The following QRICH1 variants were observed in gnomAD, a reference collection of about 807,000 sequenced individuals.
QRICH1 encodes glutamine rich 1.
Under a neutral mutation model 87.1 loss-of-function variants are expected in QRICH1, and 16 were observed. That is an observed-to-expected ratio of 0.18 (90% CI 0.12 to 0.28). QRICH1 has a LOEUF of 0.28. QRICH1 is among the 10% of genes least tolerant of loss of function. The pLI, the probability that QRICH1 is intolerant of heterozygous loss-of-function variation, is 1.00. For missense variants in QRICH1, 647 were observed against 951.7 expected, an observed-to-expected ratio of 0.68 and a Z score of 4.21; for synonymous variants, 367 against 368.4, an observed-to-expected ratio of 1.00 and a Z score of 0.05.
chr3:49,087,478 A>T (rs1207044942), intron 1 of QRICH1, among the ~76,000 whole-genome samples: 1 of 139,100 alleles, frequency 7.2e-6, no homozygotes, highest in Non-Finnish European at 1.6e-5. Context: ...CCGGGAGGCG[A>T]AGGTTGCAGT....
At chr3:49,041,667 G>A (rs2093310799) in intron 6 of QRICH1, among the ~76,000 whole-genome samples, 1 of 151,398 alleles carries the variant, frequency 6.6e-6, no homozygotes, top group African/African-American at 2.4e-5. Context: ...GTCTCACTCT[G>A]TCACTCAGGC....
intron 6 of QRICH1, among the ~76,000 whole-genome samples, chr3:49,042,884 T>C (rs530070706): frequency 6.6e-6 from 1 of 152,220 alleles, no homozygotes; most frequent in East Asian, 1.9e-4. Context: ...AGAAGAGGTA[T>C]TTTTTAGGGC....
chr3:49,056,735 A>C, intron 3 of QRICH1, 127 bp downstream of exon 3: 3 of 1,456,434 alleles, frequency 2.1e-6, no homozygotes, highest in Non-Finnish European at 2.8e-6. Flanking sequence ...TCTTCTCCCA[A>C]ATACTAAATA....
At chr3:49,056,036 C>T (rs944375235) in intron 3 of QRICH1, among the ~76,000 whole-genome samples, 10 of 151,960 alleles carry the variant, frequency 6.6e-5, no homozygotes, top group Non-Finnish European at 2.9e-5. Flanking sequence ...AATGCAATGG[C>T]GCAATCTCAG....
intron 2 of QRICH1, among the ~76,000 whole-genome samples, chr3:49,062,053 G>A (rs1232994900): frequency 6.6e-6 from 1 of 151,952 alleles, no homozygotes; most frequent in Non-Finnish European, 1.5e-5. Context: ...AATTGGTGTA[G>A]TTGGCCAGAT....
chr3:49,033,520 A>G, intron 6 of QRICH1: 3 of 265,148 alleles, frequency 1.1e-5, no homozygotes, highest in Non-Finnish European at 2.1e-5. Flanking sequence ...GGGCAAAAAG[A>G]CTGCCCTCAG....
intron 1 of QRICH1, among the ~76,000 whole-genome samples, chr3:49,078,514 C>G (rs1168799079): frequency 1.4e-5 from 2 of 147,172 alleles, no homozygotes; most frequent in Non-Finnish European, 3.0e-5. Flanking sequence ...CCTGCCTCAG[C>G]CTCCCGAGTA....
At chr3:49,078,386 CTTTTTTT>C (rs60933196) in intron 1 of QRICH1, among the ~76,000 whole-genome samples, 10 of 69,826 alleles carry the variant, frequency 1.4e-4, no homozygotes, top group Admixed American at 4.7e-4. Context: ...ATTATGGTTC[CTTTTTTT>C]TTTTTTTTTT....
At chr3:49,088,571 A>G (rs997155977) in intron 1 of QRICH1, among the ~76,000 whole-genome samples, 1 of 149,020 alleles carries the variant, frequency 6.7e-6, no homozygotes, top group African/African-American at 2.5e-5. Context: ...TCGACCTCCC[A>G]AAGTGCTGGG....
At chr3:49,060,639 A>AT (rs1438688749) in intron 2 of QRICH1, among the ~76,000 whole-genome samples, 1 of 152,098 alleles carries the variant, frequency 6.6e-6, no homozygotes, top group Non-Finnish European at 1.5e-5. Flanking sequence ...CCCCAGCCTG[A>AT]TTTTTTGGGC....
chr3:49,038,842 C>T (rs905871935), intron 6 of QRICH1, among the ~76,000 whole-genome samples: 7 of 152,064 alleles, frequency 4.6e-5, no homozygotes, highest in Non-Finnish European at 8.8e-5. Context: ...GCCTAGGCAA[C>T]ACAGTGAAAC....
chr3:49,077,999 G>A (rs953036980), intron 1 of QRICH1, among the ~76,000 whole-genome samples: 1 of 152,156 alleles, frequency 6.6e-6, no homozygotes, highest in African/African-American at 2.4e-5. Flanking sequence ...GCAATCTGTG[G>A]ACTGCTGACC....
At chr3:49,048,647 G>T (rs1185443780) in intron 3 of QRICH1, among the ~76,000 whole-genome samples, 1 of 150,904 alleles carries the variant, frequency 6.6e-6, no homozygotes, top group Non-Finnish European at 1.5e-5. Flanking sequence ...AATCAGCCGG[G>T]TGTGGTGGCG....
intron 2 of QRICH1, among the ~76,000 whole-genome samples, chr3:49,062,495 G>C (rs886420482): frequency 6.6e-6 from 1 of 150,662 alleles, no homozygotes; most frequent in East Asian, 2.0e-4. Flanking sequence ...TGAGTAGCTA[G>C]GATTACAGGC....
intron 1 of QRICH1, among the ~76,000 whole-genome samples, chr3:49,083,964 G>A (rs1337202025): frequency 6.6e-6 from 1 of 151,974 alleles, no homozygotes; most frequent in Non-Finnish European, 1.5e-5. Flanking sequence ...ACCGTGCCTG[G>A]CTAATTTTTG....
Position 49,056,846 on chromosome 3 carries a change from A to C in QRICH1, c.1338+16T>G. On this transcript the variant is annotated intron_variant, in intron 3 of 9. Transcript: ENST00000395443. ...AGGGACCAGGCTGCCTGCCCTACTG[A>C]TAAGTCTTCACTTACTGAACAAGTA... The C allele has an allele frequency of 1.4e-5, 23 of 1,614,134 alleles. No individual in the cohort carries two copies. Among genetic ancestry groups the C allele is most frequent in the Non-Finnish European group, 1.9e-5 (23 of 1,180,018 alleles).
rs755787440 is a variant in QRICH1 at position 49,057,354 on chromosome 3, C to T, written c.846G>A (p.Leu282=). ...TGTCTACTGTCAGTAAGTCTGGCCT[C>T]AAAGACACATAACTCTGCTGCTGGC... ...PQGQQQSYVS[L]RPDLLTVDSA... The change falls in exon 3 of 10, where the codon TTG becomes TTA. Residue 282 remains leucine (L), a synonymous_variant. Transcript: ENST00000395443. This position sits in a 1 kb window ranked among gnomAD's most constrained non-coding sequence, Gnocchi z 5.4. 5 of 1,614,052 alleles carry T rather than the reference C, an allele frequency of 3.1e-6. No homozygotes were observed. The highest frequency in any genetic ancestry group is 4.2e-6 in the Non-Finnish European group (5 of 1,180,048).
At chr3:49,076,569 C>A in intron 2 of QRICH1, 140 bp downstream of exon 2, 22 of 801,476 alleles carry the variant, frequency 2.7e-5, no homozygotes, top group South Asian at 4.2e-5. Context: ...AAAGAAAAAA[C>A]TTTTAGTCCA....
At chr3:49,047,479 G>GTTTT (rs397724825) in intron 3 of QRICH1, among the ~76,000 whole-genome samples, 12 of 109,042 alleles carry the variant, frequency 1.1e-4, no homozygotes, top group Non-Finnish European at 1.3e-4. Flanking sequence ...ACTTTTAAAT[G>GTTTT]TTTTTTTTTT....
Sources: allele counts gnomAD v4.1 joint callset (sites outside exome capture counted in the v4.1 genomes callset), GRCh38; gene constraint gnomAD v4.1.1; non-coding constraint Gnocchi (gnomAD v3.1); transcripts MANE v1.5; gene names NCBI Gene and HGNC (gene_info 2026-07-23, HGNC 2026-07-21).